Variants in EDA observed in about 807,000 individuals in gnomAD.
The protein encoded by EDA is ectodysplasin A.
In EDA, 2 loss-of-function variants were observed where a neutral mutation model predicts 23.6. The observed-to-expected ratio is 0.08, with a 90% CI of 0.03 to 0.27. The LOEUF is 0.27. EDA is among the 10% of genes least tolerant of loss of function. The pLI is 1.00. For synonymous variants in EDA, 131 were observed against 132.0 expected (o/e 0.99, Z 0.05); for missense variants, 229 against 324.2 (o/e 0.71, Z 2.26).
At chrX:69,800,988 G>A (rs965894946) in intron 1 of EDA, among the ~76,000 whole-genome samples, 1 of 111,426 alleles carries the variant, frequency 9.0e-6, no homozygotes, top group African/African-American at 3.3e-5. Context: ...GGAGTGCCTT[G>A]TTCAACCACA....
At chrX:69,842,655 A>T (rs2016919145) in intron 1 of EDA, among the ~76,000 whole-genome samples, 1 of 111,676 alleles carries the variant, frequency 9.0e-6, no homozygotes, top group Admixed American at 9.5e-5. Flanking sequence ...TCCCCACCCA[A>T]ATCTCATGTT....
intron 1 of EDA, among the ~76,000 whole-genome samples, chrX:69,719,146 G>C (rs932784664): frequency 9.1e-6 from 1 of 109,596 alleles, no homozygotes; most frequent in African/African-American, 3.3e-5. Context: ...GATATATTCT[G>C]TTTCATTCCT....
At chrX:69,757,616 A>G (rs762746304) in intron 1 of EDA, among the ~76,000 whole-genome samples, 1 of 112,516 alleles carries the variant, frequency 8.9e-6, no homozygotes, top group South Asian at 3.7e-4. Flanking sequence ...CAACATGTTC[A>G]TAAGGAAGGA....
chrX:69,823,157 A>G (rs1353414523), intron 1 of EDA, among the ~76,000 whole-genome samples: 5 of 78,869 alleles, frequency 6.3e-5, no homozygotes, highest in Non-Finnish European at 1.2e-4. Context: ...CAATAAACAT[A>G]CGTGTGCATG....
intron 7 of EDA, among the ~76,000 whole-genome samples, chrX:70,034,535 C>T (rs2020239081): frequency 1.8e-5 from 2 of 111,171 alleles, no homozygotes; most frequent in South Asian, 3.9e-4. Context: ...TGGGGGTGGG[C>T]GGCAGATCAA....
At chrX:69,668,768 T>C (rs1275114765) in intron 1 of EDA, among the ~76,000 whole-genome samples, 1 of 70,194 alleles carries the variant, frequency 1.4e-5, no homozygotes, top group African/African-American at 7.5e-5. Flanking sequence ...GTAGATGGGG[T>C]TTCACCGTGT....
chrX:69,624,220 G>A lies in EDA; in HGVS notation c.396+7516G>A, dbSNP rs1045758845. ...AACTCCCTTTAAACTCACTCATTGA[G>A]TTCTTAATATTATTTGTCATGTTTT... On this transcript the variant is annotated intron_variant, in intron 1 of 7. Coordinates refer to ENST00000374552, the MANE Select transcript of EDA (RefSeq NM_001399.5). Among the ~76,000 whole-genome samples, 3 of 111,648 alleles carry A rather than the reference G, an allele frequency of 2.7e-5. No homozygotes were observed. In the East Asian group the frequency reaches 8.4e-4, roughly 31 times the overall value.
At chrX:69,834,809 T>C (rs5936509) in intron 1 of EDA, among the ~76,000 whole-genome samples, 23,863 of 110,892 alleles carry the variant, frequency 0.22, 1,958 homozygotes, top group East Asian at 0.27. Flanking sequence ...TTCCTAGCAT[T>C]GATGGTCTTT....
chrX:69,720,335 G>A (rs1232403583), intron 1 of EDA, among the ~76,000 whole-genome samples: 1 of 111,340 alleles, frequency 9.0e-6, no homozygotes. Flanking sequence ...TTTAATTATG[G>A]TGTGTCTTAG....
intron 1 of EDA, among the ~76,000 whole-genome samples, chrX:69,674,181 AC>A (rs1934004009): frequency 9.0e-6 from 1 of 110,554 alleles, no homozygotes; most frequent in Non-Finnish European, 1.9e-5. Flanking sequence ...TTTGGGGTAT[AC>A]TTTTCTCTGT....
rs1432325729 is a variant in EDA, at chrX:70,038,651, A to C, written c.*3042A>C. ...CCTATTTCCCCCTTCATCCATCCTG[A>C]GCCAAATTTCTTTTGCTGAACAGGA... On this transcript the variant is annotated 3_prime_UTR_variant, in exon 8 of 8. Transcript: ENST00000374552. The C allele has an allele frequency of 1.8e-5, 2 of 111,957 alleles. No individual in the cohort carries two copies. Among genetic ancestry groups the C allele is most frequent in the East Asian group, 5.7e-4 (2 of 3,531 alleles). The allele number at this position is 111,957 out of a possible 1,213,427, so 9.2% of individuals were successfully genotyped here. A position where few individuals can be genotyped will look rare whatever the true frequency, so the allele number is the denominator to read the frequency against.
chrX:69,912,285 G>A (rs2018277943), intron 1 of EDA, among the ~76,000 whole-genome samples: 1 of 111,350 alleles, frequency 9.0e-6, no homozygotes, highest in African/African-American at 3.3e-5. Flanking sequence ...AGGGTTAGAC[G>A]CAACTTCTTC....
At chrX:69,989,461 TATA>T (rs2019552032) in intron 2 of EDA, among the ~76,000 whole-genome samples, 1 of 111,372 alleles carries the variant, frequency 9.0e-6, no homozygotes, top group African/African-American at 3.3e-5. Flanking sequence ...TTTCATAATA[TATA>T]ATAATATCCA....
Position 69,616,333 on chromosome X carries a change from A to C in EDA, c.25A>C (p.Arg9=). Residue 9 remains arginine (R), a synonymous_variant, in exon 1 of 8, where the codon AGG becomes CGG. Coordinates refer to ENST00000374552, the MANE Select transcript of EDA (RefSeq NM_001399.5). The stretch of plus-strand genomic sequence containing the variant: ...CATGGGCTACCCGGAGGTGGAGCGC[A>C]GGGAACTCCTGCCTGCAGCAGCGCC... MGYPEVER[R]ELLPAAAPRE... is the part of the protein sequence containing the mutation. The C allele has an allele frequency of 8.3e-7, 1 of 1,201,886 alleles. No homozygotes were observed. The highest frequency in any genetic ancestry group is 1.7e-5 in the African/African-American group (1 of 57,879).
intron 1 of EDA, among the ~76,000 whole-genome samples, chrX:69,919,408 C>A (rs2018394381): frequency 8.9e-6 from 1 of 112,334 alleles, no homozygotes; most frequent in Non-Finnish European, 1.9e-5. Context: ...GAGACACTGG[C>A]AGATACTTAT....
At chrX:69,784,117 C>T (rs12393548) in intron 1 of EDA, among the ~76,000 whole-genome samples, 7 of 94,833 alleles carry the variant, frequency 7.4e-5, no homozygotes, top group Non-Finnish European at 1.5e-4. Context: ...TCATGTCCTT[C>T]ACCCACTTTT....
chrX:69,642,392 C>T (rs753331993), intron 1 of EDA, among the ~76,000 whole-genome samples: 121 of 110,816 alleles, frequency 1.1e-3, no homozygotes, highest in African/African-American at 3.4e-3. Flanking sequence ...AAATACTATA[C>T]GTTATATGTG....
intron 1 of EDA, among the ~76,000 whole-genome samples, chrX:69,792,228 T>C (rs1195801608): frequency 8.9e-6 from 1 of 112,093 alleles, no homozygotes; most frequent in Non-Finnish European, 1.9e-5. Flanking sequence ...TATCTGGTTT[T>C]TCATTCCTGA....
chrX:69,858,699 G>C (rs1222605121), intron 1 of EDA, among the ~76,000 whole-genome samples: 1 of 111,695 alleles, frequency 9.0e-6, no homozygotes, highest in Non-Finnish European at 1.9e-5. Flanking sequence ...TTCTTTTTTT[G>C]ATGTTATCTC....
Sources: gnomAD v4.1 joint callset for allele counts (sites outside exome capture counted in the v4.1 genomes callset) on GRCh38, gnomAD v4.1.1 for gene constraint, MANE v1.5 for transcripts, NCBI Gene and HGNC (gene_info 2026-07-23, HGNC 2026-07-21) for gene names.